CCDC7: variants seen among roughly 807,000 people sequenced by gnomAD.
The protein encoded by CCDC7 is coiled-coil domain containing 7.
Under a neutral mutation model 196.9 loss-of-function variants are expected in CCDC7, and 183 were observed. That is an observed-to-expected ratio of 0.93 (90% CI 0.82 to 1.05). The LOEUF (loss-of-function observed/expected upper bound fraction) is 1.05, where lower values mean the gene tolerates loss of function less well. Ranked by LOEUF, CCDC7 falls within the 50% of genes least tolerant of loss-of-function variation. The probability of loss-of-function intolerance (pLI) is 0.00; values close to 1 mark genes in which losing one functional copy is unlikely to be tolerated. For synonymous variants in CCDC7, 525 were observed against 484.6 expected, an observed-to-expected ratio of 1.08 and a Z score of -1.10; for missense variants, 1,540 against 1,482.2, an observed-to-expected ratio of 1.04 and a Z score of -0.64.
chr10:32,585,351 G>A (rs564060701), intron 18 of CCDC7, among the ~76,000 whole-genome samples: 36 of 152,286 alleles, frequency 2.4e-4, no homozygotes, highest in Admixed American at 8.5e-4. Context: ...GGGATTACAG[G>A]CGTGAGCCAC....
intron 28 of CCDC7, among the ~76,000 whole-genome samples, chr10:32,768,559 T>C (rs781082840): frequency 3.9e-5 from 6 of 152,172 alleles, no homozygotes; most frequent in Non-Finnish European, 8.8e-5. Context: ...CAGTATTACG[T>C]TGAATAGGAG....
chr10:32,856,431 T>C (rs2093755521), intron 41 of CCDC7, among the ~76,000 whole-genome samples: 1 of 152,176 alleles, frequency 6.6e-6, no homozygotes. Context: ...TAATCTGATC[T>C]GATCACCCTG....
chr10:32,851,394 C>T (rs927151804), intron 39 of CCDC7, among the ~76,000 whole-genome samples: 15 of 151,890 alleles, frequency 9.9e-5, no homozygotes, highest in African/African-American at 3.4e-4. Context: ...TTTTATTCTC[C>T]TGTTACTGAT....
In CCDC7 at chr10:32,587,090, C is replaced by T. The variant is rs370951513; in HGVS notation, c.1801+2786C>T. On this transcript the variant is annotated intron_variant, in intron 18 of 41. Coordinates refer to ENST00000639629, the Ensembl canonical transcript of CCDC7. ...CTAACATAAAATATATCATTTTAAC[C>T]ATCTTTAAGTATACAATTCAGTGGC... Among the ~76,000 whole-genome samples, 26 of 152,130 alleles carry T rather than the reference C, an allele frequency of 1.7e-4. 1 individual carries two copies. The highest frequency in any genetic ancestry group is 1.9e-4 in the East Asian group (1 of 5,182).
At chr10:32,458,850 C>T (rs1016988548) in intron 3 of CCDC7, among the ~76,000 whole-genome samples, 5 of 152,084 alleles carry the variant, frequency 3.3e-5, no homozygotes, top group African/African-American at 1.2e-4. Flanking sequence ...TCTGCAGATT[C>T]AGTGAAATCC....
chr10:32,594,567 C>G (rs2060120526), intron 18 of CCDC7, among the ~76,000 whole-genome samples: 1 of 152,126 alleles, frequency 6.6e-6, no homozygotes, highest in South Asian at 2.1e-4. Context: ...ATTGCCCTGG[C>G]CAGAACTTCC....
intron 13 of CCDC7, among the ~76,000 whole-genome samples, chr10:32,563,174 T>C (rs912225957): frequency 6.6e-5 from 10 of 151,948 alleles, no homozygotes; most frequent in Middle Eastern, 3.2e-3. Context: ...GGAAGAACAT[T>C]CCATGCTCAT....
chr10:32,662,725 C>T (rs1296123300), intron 20 of CCDC7, among the ~76,000 whole-genome samples: 2 of 152,116 alleles, frequency 1.3e-5, no homozygotes, highest in Admixed American at 6.6e-5. Flanking sequence ...GTTCTTTTGT[C>T]TGGCATGGAA....
At chr10:32,755,062 C>G (rs1235272501) in intron 28 of CCDC7, among the ~76,000 whole-genome samples, 1 of 152,150 alleles carries the variant, frequency 6.6e-6, no homozygotes, top group African/African-American at 2.4e-5. Flanking sequence ...AGCAGTGAGA[C>G]TGGGGGAGGG....
chr10:32,827,739 C>A (rs1461332621), intron 32 of CCDC7, among the ~76,000 whole-genome samples: 1 of 152,102 alleles, frequency 6.6e-6, no homozygotes, highest in Non-Finnish European at 1.5e-5. Flanking sequence ...CACATGTATA[C>A]CTATGTAACA....
chr10:32,761,370 C>T (rs80310874), intron 28 of CCDC7, among the ~76,000 whole-genome samples: 9,177 of 151,978 alleles, frequency 0.06, 867 homozygotes, highest in African/African-American at 0.2. Context: ...GGCAATAGGA[C>T]ACAAAATATC....
intron 21 of CCDC7, among the ~76,000 whole-genome samples, chr10:32,677,885 C>G (rs184642798): frequency 6.6e-5 from 10 of 152,170 alleles, no homozygotes; most frequent in South Asian, 2.1e-4. Context: ...AGGATTTCTT[C>G]ACTCTTTTTC....
At chr10:32,537,755 T>G (rs2050760246) in intron 11 of CCDC7, among the ~76,000 whole-genome samples, 1 of 152,202 alleles carries the variant, frequency 6.6e-6, no homozygotes, top group South Asian at 2.1e-4. Context: ...GGGGAGTCCT[T>G]TCTTCATTGC....
chr10:32,785,812 T>C (rs1473874715), intron 29 of CCDC7, among the ~76,000 whole-genome samples: 1 of 152,198 alleles, frequency 6.6e-6, no homozygotes, highest in African/African-American at 2.4e-5. Context: ...TTTGGTCTCT[T>C]ACCATAATCC....
In CCDC7 at chr10:32,565,866, C is replaced by G. The variant is rs555583356; in HGVS notation, c.1197+246C>G. 3.3e-5 allele frequency among the ~76,000 whole-genome samples: 5 copies of G among 152,104 alleles called. No individual in the cohort carries two copies. The East Asian group carries it at 9.6e-4, about 29-fold the overall frequency. ...CTTAAGCTAATAAAGGCAATCTATTCATCTGTCATGGTTGCAGTGTGAACA... is the reference window on the plus strand; with the variant it reads ...CTTAAGCTAATAAAGGCAATCTATTGATCTGTCATGGTTGCAGTGTGAACA... On this transcript the variant is annotated intron_variant, in intron 14 of 41. Coordinates refer to ENST00000639629, the Ensembl canonical transcript of CCDC7.
At chr10:32,511,271 G>A (rs200392908) in intron 9 of CCDC7, 3 of 672,012 alleles carry the variant, frequency 4.5e-6, no homozygotes, top group African/African-American at 2.4e-5. Flanking sequence ...CGGGGGGGGC[G>A]GGGAAATGTA....
intron 5 of CCDC7, among the ~76,000 whole-genome samples, chr10:32,468,759 G>C (rs2037354741): frequency 6.6e-6 from 1 of 152,156 alleles, no homozygotes; most frequent in Admixed American, 6.5e-5. Context: ...TCTGAGTTAG[G>C]AGTCTACTGC....
chr10:32,758,983 C>T (rs1259669993), intron 28 of CCDC7, among the ~76,000 whole-genome samples: 2 of 152,134 alleles, frequency 1.3e-5, no homozygotes, highest in Non-Finnish European at 2.9e-5. Context: ...TGAGTGAACT[C>T]CCATTCACAA....
chr10:32,643,476 T>C (rs2067204516), intron 20 of CCDC7, among the ~76,000 whole-genome samples: 1 of 152,110 alleles, frequency 6.6e-6, no homozygotes, highest in Non-Finnish European at 1.5e-5. Context: ...TTTTTATTCA[T>C]AGAACGTTTC....
Sources: allele counts gnomAD v4.1 joint callset (sites outside exome capture counted in the v4.1 genomes callset), GRCh38; gene constraint gnomAD v4.1.1; transcripts MANE v1.5; gene names NCBI Gene and HGNC (gene_info 2026-07-23, HGNC 2026-07-21).